The following COL11A1 variants were observed in gnomAD, a reference collection of about 807,000 sequenced individuals.
COL11A1 encodes the protein collagen alpha-1(XI) chain.
In COL11A1, 74 loss-of-function variants were observed where a neutral mutation model predicts 265.2. The observed-to-expected ratio is 0.28, with a 90% CI of 0.23 to 0.34. The LOEUF (loss-of-function observed/expected upper bound fraction) is 0.34. Ranked by LOEUF, COL11A1 falls within the 10% of genes least tolerant of loss-of-function variation. The probability of loss-of-function intolerance (pLI) is 1.00; values close to 1 mark genes in which losing one functional copy is unlikely to be tolerated. For missense variants in COL11A1, 2,165 were observed against 2,263.6 expected (o/e 0.96, Z 0.88); for synonymous variants, 816 against 727.6 (o/e 1.12, Z -1.96).
Position 103,013,934 on chromosome 1 carries a change from T to C in COL11A1, c.1572+577A>G, listed in dbSNP as rs181735029. On this transcript the variant is annotated intron_variant, in intron 13 of 66. Transcript: ENST00000370096. ...AAAACATAAATGTAATTCTATATTT[T>C]ATAAGTCTACAAGTAGTGGAAGCTT... is the stretch of plus-strand genomic sequence containing the variant. Among the ~76,000 whole-genome samples the C allele has an allele frequency of 1.5e-3, 232 of 152,216 alleles. 1 individual carries two copies. Among genetic ancestry groups the C allele is most frequent in the Middle Eastern group, 0.01 (3 of 288 alleles).
At chr1:102,924,348 C>G (rs1178845969) in intron 46 of COL11A1, among the ~76,000 whole-genome samples, 1 of 152,228 alleles carries the variant, frequency 6.6e-6, no homozygotes, top group Non-Finnish European at 1.5e-5. Context: ...TTTCATCTGT[C>G]TATGTCTTCA....
At chr1:102,965,389 T>C in intron 38 of COL11A1, 98 bp downstream of exon 38, 1 of 1,148,154 alleles carries the variant, frequency 8.7e-7, no homozygotes, top group South Asian at 1.3e-5. Context: ...TACATCATTT[T>C]GAATCATAAT....
Position 103,068,812 on chromosome 1 carries a change from A to C in COL11A1, c.651+5806T>G, listed in dbSNP as rs574673592. Among the ~76,000 whole-genome samples, 597 of 151,418 alleles carry C rather than the reference A, an allele frequency of 3.9e-3. 5 individuals are homozygous for C. Among genetic ancestry groups the C allele is most frequent in the African/African-American group, 0.014 (565 of 41,388 alleles). ...AATATTCAAATATGACATTAGAAAC[A>C]AATTCATTTACTCTAGCACTAAAAA... On this transcript the variant is annotated intron_variant, in intron 4 of 66. Transcript: ENST00000370096.
intron 41 of COL11A1, among the ~76,000 whole-genome samples, chr1:102,960,983 G>A (rs1472047505): frequency 6.6e-6 from 1 of 152,122 alleles, no homozygotes; most frequent in Non-Finnish European, 1.5e-5. Context: ...GAAAGAGTCT[G>A]AACAAAATGG....
intron 13 of COL11A1, among the ~76,000 whole-genome samples, chr1:103,014,021 T>C (rs747316991): frequency 7.9e-5 from 12 of 152,190 alleles, no homozygotes; most frequent in Admixed American, 1.3e-4. Context: ...TTAGGGTTGG[T>C]AAGAAATTTG....
chr1:102,904,560 T>C (rs1158345351), intron 54 of COL11A1, among the ~76,000 whole-genome samples: 2 of 151,152 alleles, frequency 1.3e-5, no homozygotes, highest in South Asian at 2.1e-4. Context: ...AAAAAGTGGG[T>C]GAAGGATATG....
At chr1:102,913,534 T>C in intron 53 of COL11A1, 103 bp downstream of exon 53, 7 of 1,109,714 alleles carry the variant, frequency 6.3e-6, no homozygotes, top group Admixed American at 1.8e-5. Context: ...AAAGTGCATA[T>C]ACATAGAGCT....
chr1:103,003,195 A>G lies in COL11A1; in HGVS notation c.1998+20T>C, dbSNP rs769773932. The stretch of plus-strand genomic sequence containing the variant: ...ACAAGCTTTCCCTAGAAAATCTTCA[A>G]TGTTTCCAGCAATACATACAGGCTG... On this transcript the variant is annotated intron_variant, in intron 21 of 66. Transcript: ENST00000370096. 9.3e-6 allele frequency: 15 copies of G among 1,612,880 alleles called. No individual in the cohort carries two copies. The highest frequency in any genetic ancestry group is 8.9e-5 in the East Asian group (4 of 44,876).
intron 30 of COL11A1, among the ~76,000 whole-genome samples, chr1:102,987,253 G>GAT (rs36080080): frequency 0.64 from 95,882 of 149,438 alleles, 32,487 homozygotes; most frequent in East Asian, 0.93. Context: ...ATACATGTAG[G>GAT]ATATATATAT....
chr1:103,008,380 T>A (rs538306297), intron 15 of COL11A1, 83 bp downstream of exon 15: 73 of 1,127,722 alleles, frequency 6.5e-5, no homozygotes, highest in Admixed American at 1.3e-4. Context: ...AAAAAAAAAA[T>A]TAACTATTGA....
At chr1:102,955,665 A>G (rs987317487) in intron 41 of COL11A1, among the ~76,000 whole-genome samples, 2 of 152,098 alleles carry the variant, frequency 1.3e-5, no homozygotes, top group African/African-American at 2.4e-5. Context: ...GGGAAAATAT[A>G]TTTTCCCTAA....
chr1:103,051,575 G>C (rs1236694158), intron 4 of COL11A1, among the ~76,000 whole-genome samples: 1 of 152,142 alleles, frequency 6.6e-6, no homozygotes, highest in Admixed American at 6.5e-5. Context: ...GCCTCGCCTT[G>C]CTTCGGCTTA....
chr1:102,878,503 T>TATATATATATATATATATATATA (rs1553191037), intron 66 of COL11A1, among the ~76,000 whole-genome samples: 32 of 127,402 alleles, frequency 2.5e-4, no homozygotes, highest in Non-Finnish European at 3.6e-4. Context: ...TATATATATA[T>TATATATATATATATATATATATA]TCTTTTTCTT....
chr1:102,943,217 G>C (rs1658913235), intron 42 of COL11A1, among the ~76,000 whole-genome samples: 1 of 151,868 alleles, frequency 6.6e-6, no homozygotes, highest in South Asian at 2.1e-4. Flanking sequence ...TCCATGCCCT[G>C]CTTGAGGTGA....
rs1409436282 is a variant in COL11A1 at position 103,005,845 on chromosome 1, C to T, written c.1838G>A (p.Gly613Asp). ...GGAATAGATGTATCTTACCCTGTGA[C>T]CTTTGTCACCTGGCAGACCCGGAAG... is the stretch of plus-strand genomic sequence containing the variant. ...DGLPGLPGDK[G>D]HRGERGPQGP... Residue 613 changes from glycine (G) to aspartate (D), a missense_variant, in exon 18 of 67, where the codon GGT becomes GAT. Gly to Asp is a moderately conservative substitution (Grantham distance 94). Coordinates refer to ENST00000370096, the MANE Select transcript of COL11A1 (RefSeq NM_001854.4). The T allele has an allele frequency of 6.2e-7, 1 of 1,614,066 alleles. No individual in the cohort carries two copies. Among genetic ancestry groups the T allele is most frequent in the Admixed American group, 1.7e-5 (1 of 60,016 alleles).
At chr1:103,038,859 A>G (rs960295215) in intron 4 of COL11A1, among the ~76,000 whole-genome samples, 3 of 152,178 alleles carry the variant, frequency 2.0e-5, no homozygotes, top group African/African-American at 2.4e-5. Flanking sequence ...TACATATATT[A>G]GTAAAAAATA....
chr1:103,015,734 T>TG lies in COL11A1; in HGVS notation c.1421dup (p.Gly475ArgfsTer9), dbSNP rs748350589. Reference sequence around the variant, plus strand: ...CAGCCCCTGGTAAGCCAGGACGTCCTGGGGGGCCCTAGAAAAATAAATGAA... The same window carrying TG: ...CAGCCCCTGGTAAGCCAGGACGTCCTGGGGGGGCCCTAGAAAAATAAATGAA... On this transcript the variant is annotated frameshift_variant, in exon 12 of 67. Transcript: ENST00000370096. LOFTEE classifies it high-confidence loss of function. The TG allele has an allele frequency of 1.2e-6, 2 of 1,602,026 alleles. No homozygotes were observed. The highest frequency in any genetic ancestry group is 1.7e-5 in the Admixed American group (1 of 59,156).
At chr1:102,915,425 G>C (rs1655224848) in intron 50 of COL11A1, among the ~76,000 whole-genome samples, 1 of 152,130 alleles carries the variant, frequency 6.6e-6, no homozygotes, top group East Asian at 1.9e-4. Flanking sequence ...CAGCAAATAT[G>C]ATATTTTTTC....
chr1:103,026,213 T>A lies in COL11A1; in HGVS notation c.897+3A>T. The A allele has an allele frequency of 6.2e-7, 1 of 1,603,128 alleles. No homozygotes were observed. The highest frequency in any genetic ancestry group is 8.5e-7 in the Non-Finnish European group (1 of 1,170,044). ...ACATACACAGGCACTGCTTTGTTTT[T>A]ACCTCCGTCTGTGCTATTGTCTCCT... On this transcript the variant is annotated splice_donor_region_variant and intron_variant, in intron 6 of 66. Coordinates refer to ENST00000370096, the MANE Select transcript of COL11A1 (RefSeq NM_001854.4).
Sources: allele counts gnomAD v4.1 joint callset (sites outside exome capture counted in the v4.1 genomes callset), GRCh38; gene constraint gnomAD v4.1.1; transcripts MANE v1.5; gene names NCBI Gene and HGNC (gene_info 2026-07-23, HGNC 2026-07-21).